STEEP1: variants seen among roughly 807,000 people sequenced by gnomAD.
The protein encoded by STEEP1 is STING1 ER exit protein 1, also known as STING ER exit protein.
STEEP1 carries 3 observed loss-of-function variants against 19.2 expected under a neutral mutation model. The ratio of observed to expected loss-of-function variants is 0.16; its 90% CI spans 0.07 to 0.40. The LOEUF is 0.40. Among genes scored for constraint, STEEP1 ranks in the 10% least tolerant of loss-of-function variants. The pLI, the probability that STEEP1 is intolerant of heterozygous loss-of-function variation, is 0.99. For missense variants in STEEP1, 54 were observed against 177.1 expected, an observed-to-expected ratio of 0.30 and a Z score of 3.94; for synonymous variants, 46 against 63.7, an observed-to-expected ratio of 0.72 and a Z score of 1.32.
intron 4 of STEEP1, 85 bp from the exon 5 acceptor site, chrX:119,542,679 A>G: frequency 1.6e-6 from 1 of 616,419 alleles, no homozygotes; most frequent in Admixed American, 2.4e-5. Flanking sequence ...CGCCTGTGTG[A>G]GGGGCTGTGG....
Position 119,545,737 on chromosome X carries a change from T to G in STEEP1, c.243-233A>C, listed in dbSNP as rs1312198377. On this transcript the variant is annotated intron_variant, in intron 2 of 6. Transcript: ENST00000644802. ...GGGGAAACCCCGTCTCTACTAAAAA[T>G]ACAAAATTAGCCGGGCGCAGTGGTG... 1.1e-4 allele frequency among the ~76,000 whole-genome samples: 12 copies of G among 110,091 alleles called. No individual in the cohort carries two copies. The East Asian group carries it at 3.5e-3, about 32-fold the overall frequency.
chrX:119,563,771 G>C (rs1000601964), intron 1 of STEEP1, among the ~76,000 whole-genome samples: 1 of 111,387 alleles, frequency 9.0e-6, no homozygotes, highest in Non-Finnish European at 1.9e-5. Flanking sequence ...ACATTTTCAC[G>C]AAAGCACCTG....
At chrX:119,558,611 G>A (rs767321255) in intron 2 of STEEP1, among the ~76,000 whole-genome samples, 2 of 111,441 alleles carry the variant, frequency 1.8e-5, no homozygotes, top group South Asian at 3.7e-4. Context: ...GTAGGAGCTC[G>A]GTAAATGAAA....
intron 2 of STEEP1, among the ~76,000 whole-genome samples, chrX:119,559,046 A>T (rs1407173724): frequency 9.1e-6 from 1 of 110,004 alleles, no homozygotes; most frequent in African/African-American, 3.3e-5. Context: ...GTGAAATCCC[A>T]TCTCTACTAA....
At chrX:119,559,540 T>C in intron 2 of STEEP1, among the ~76,000 whole-genome samples, 1 of 111,217 alleles carries the variant, frequency 9.0e-6, no homozygotes, top group South Asian at 3.8e-4. Flanking sequence ...CTCCCACCTG[T>C]TTTTCCTTTC....
At position 119,551,995 on chromosome X, in the gene STEEP1, G is replaced by C. The variant is rs1348242711; in HGVS notation, c.243-6491C>G. On this transcript the variant is annotated intron_variant, in intron 2 of 6. Transcript: ENST00000644802. ...GGCTCATTGCAACCTCCGCCTCCCAGGTTCAAGCGATTCTCCTGCCTCAGC... is the reference window on the plus strand; with the variant it reads ...GGCTCATTGCAACCTCCGCCTCCCACGTTCAAGCGATTCTCCTGCCTCAGC... 2.8e-5 allele frequency among the ~76,000 whole-genome samples: 3 copies of C among 108,104 alleles called. No homozygotes were observed. The Admixed American group carries it at 3.0e-4, about 11-fold the overall frequency. The allele number at this position is 108,104 out of a possible 115,157, so 93.9% of individuals were successfully genotyped here.
At chrX:119,560,028 AAC>A (rs1257017816) in intron 2 of STEEP1, among the ~76,000 whole-genome samples, 2 of 111,454 alleles carry the variant, frequency 1.8e-5, no homozygotes, top group Admixed American at 9.5e-5. Context: ...CAGCCTGAGC[AAC>A]AGAGTGAGTG....
intron 2 of STEEP1, among the ~76,000 whole-genome samples, chrX:119,546,855 T>A (rs1363343998): frequency 8.9e-6 from 1 of 111,881 alleles, no homozygotes; most frequent in Non-Finnish European, 1.9e-5. Flanking sequence ...TACACCACCA[T>A]TATCAACTCC....
In STEEP1 at chrX:119,539,730, T is replaced by C; in HGVS notation, c.666A>G (p.Lys222=). The change falls in exon 7 of 7, where the codon AAA becomes AAG. Residue 222 remains lysine, a synonymous_variant. Coordinates refer to ENST00000644802, the MANE Select transcript of STEEP1 (RefSeq NM_022101.4). ...MKGTLIDNQF[K] is the part of the protein sequence containing the mutation. ...TAGGGCTTAGAAAAAGGCCTGGTTA[T>C]TTGAACTGGTTGTCAATCAAGGTCC... 2.5e-6 allele frequency: 3 copies of C among 1,206,263 alleles called. No individual in the cohort carries two copies. Among genetic ancestry groups the C allele is most frequent in the Non-Finnish European group, 3.4e-6 (3 of 891,153 alleles).
chrX:119,539,595 GGAGAATCAAT>G lies in STEEP1; in HGVS notation c.*122_*131del. The G allele has an allele frequency of 6.3e-6, 3 of 472,620 alleles. No individual in the cohort carries two copies. Among genetic ancestry groups the G allele is most frequent in the Non-Finnish European group, 1.1e-5 (3 of 273,796 alleles). The allele number at this position is 472,620 out of a possible 1,213,427, so 38.9% of individuals were successfully genotyped here. A position where few individuals can be genotyped will look rare whatever the true frequency, so the allele number is the denominator to read the frequency against. On this transcript the variant is annotated 3_prime_UTR_variant, in exon 7 of 7. Coordinates refer to ENST00000644802, the MANE Select transcript of STEEP1 (RefSeq NM_022101.4). ...TCAGTTAAAGACCTCACTGAATGTA[GGAGAATCAAT>G]GGGAAACAACGTAAAGCCTTCTGCT...
intron 4 of STEEP1, 89 bp from the exon 5 acceptor site, chrX:119,542,683 G>T: frequency 1.7e-6 from 1 of 584,460 alleles, no homozygotes; most frequent in Non-Finnish European, 2.9e-6. Flanking sequence ...TGTGTGAGGG[G>T]CTGTGGGTAT....
chrX:119,562,119 G>A (rs1332335741), intron 1 of STEEP1, among the ~76,000 whole-genome samples: 2 of 112,382 alleles, frequency 1.8e-5, no homozygotes, highest in African/African-American at 3.2e-5. Flanking sequence ...CGCCCTGGCC[G>A]GGCACGGTGG....
intron 1 of STEEP1, 48 bp downstream of exon 1, chrX:119,565,184 C>T (rs755211418): frequency 2.6e-6 from 3 of 1,153,546 alleles, no homozygotes; most frequent in East Asian, 3.1e-5. Flanking sequence ...CTTCAAGAAC[C>T]CGAAGTCTGG....
intron 5 of STEEP1, among the ~76,000 whole-genome samples, chrX:119,541,829 C>T (rs1411522984): frequency 1.8e-5 from 2 of 112,018 alleles, no homozygotes; most frequent in East Asian, 5.6e-4. Context: ...TGAGGACAGA[C>T]TCACAAACCA....
chrX:119,540,498 T>C (rs1302409176), intron 6 of STEEP1, among the ~76,000 whole-genome samples: 2 of 111,057 alleles, frequency 1.8e-5, no homozygotes, highest in Non-Finnish European at 3.8e-5. Flanking sequence ...GACACCAACA[T>C]AGTGATATCT....
At chrX:119,547,862 G>T (rs2106908) in intron 2 of STEEP1, among the ~76,000 whole-genome samples, 4 of 110,295 alleles carry the variant, frequency 3.6e-5, no homozygotes, top group Admixed American at 9.8e-5. Flanking sequence ...CTAATCATCA[G>T]GGAAATGCAA....
chrX:119,546,241 G>A (rs1203684257), intron 2 of STEEP1, among the ~76,000 whole-genome samples: 1 of 109,941 alleles, frequency 9.1e-6, no homozygotes, highest in Non-Finnish European at 1.9e-5. Context: ...AGGAGTTCGA[G>A]ACTATCCTGG....
chrX:119,542,607 G>A lies in STEEP1; in HGVS notation c.424-13C>T. 1 of 1,169,248 alleles carries A rather than the reference G, an allele frequency of 8.6e-7. No individual in the cohort carries two copies. The highest frequency in any genetic ancestry group is 1.2e-6 in the Non-Finnish European group (1 of 857,387). ...TGGTCATCATCACCTGGAGTGGCAG[G>A]CAAGAAGAAGTCAGTCCGGTTCACC... On this transcript the variant is annotated splice_polypyrimidine_tract_variant and intron_variant, in intron 4 of 6. Coordinates refer to ENST00000644802, the MANE Select transcript of STEEP1 (RefSeq NM_022101.4).
At chrX:119,550,053 G>T (rs1487467843) in intron 2 of STEEP1, among the ~76,000 whole-genome samples, 2 of 112,219 alleles carry the variant, frequency 1.8e-5, no homozygotes, top group African/African-American at 6.5e-5. Context: ...ATTACCAAAA[G>T]AAATTAAAGA....
Sources: gnomAD v4.1 joint callset for allele counts (sites outside exome capture counted in the v4.1 genomes callset) on GRCh38, gnomAD v4.1.1 for gene constraint, MANE v1.5 for transcripts, NCBI Gene and HGNC (gene_info 2026-07-23, HGNC 2026-07-21) for gene names.